The following RIT2 variants were observed in gnomAD, a reference collection of about 807,000 sequenced individuals.
RIT2 encodes the protein GTP-binding protein Rit2.
Under a neutral mutation model 23.7 loss-of-function variants are expected in RIT2, and 24 were observed. The observed-to-expected ratio is 1.01, with a 90% CI of 0.73 to 1.43. The LOEUF is 1.43. RIT2 is among the 40% of genes most tolerant of loss of function. The pLI, the probability that RIT2 is intolerant of heterozygous loss-of-function variation, is 0.00. For synonymous variants in RIT2, 107 were observed against 91.1 expected (o/e 1.17, Z -0.99); for missense variants, 236 against 266.9 (o/e 0.88, Z 0.81).
intron 2 of RIT2, among the ~76,000 whole-genome samples, chr18:43,026,425 G>C (rs1037525018): frequency 6.6e-6 from 1 of 151,680 alleles, no homozygotes; most frequent in African/African-American, 2.4e-5. Context: ...GTGGTGGTGC[G>C]TGCCTGTAGT....
chr18:42,848,812 T>C (rs750305376), intron 4 of RIT2, among the ~76,000 whole-genome samples: 3 of 152,154 alleles, frequency 2.0e-5, no homozygotes, highest in Non-Finnish European at 2.9e-5. Flanking sequence ...TTAGGAGTTA[T>C]TTATTAGAAT....
chr18:43,011,443 C>T (rs995765552), intron 2 of RIT2, among the ~76,000 whole-genome samples: 3 of 151,648 alleles, frequency 2.0e-5, no homozygotes, highest in Non-Finnish European at 2.9e-5. Flanking sequence ...GGAAGCTGTG[C>T]GATTTTGGGC....
intron 3 of RIT2, among the ~76,000 whole-genome samples, chr18:42,956,366 CT>C (rs1909970626): frequency 6.6e-6 from 1 of 152,118 alleles, no homozygotes. Context: ...TCTCTGTGTC[CT>C]CCTTTGCTGT....
chr18:42,793,301 C>T (rs780638221), intron 4 of RIT2, among the ~76,000 whole-genome samples: 3 of 152,260 alleles, frequency 2.0e-5, no homozygotes, highest in Non-Finnish European at 4.4e-5. Flanking sequence ...TACTGCCAGA[C>T]AGAAATTCTT....
chr18:42,838,467 T>C (rs776639846), intron 4 of RIT2, among the ~76,000 whole-genome samples: 58 of 152,286 alleles, frequency 3.8e-4, no homozygotes, highest in South Asian at 8.3e-4. Context: ...TAGTGTATGC[T>C]TATGCCAAGA....
intron 4 of RIT2, among the ~76,000 whole-genome samples, chr18:42,917,879 AT>A (rs1219700586): frequency 6.6e-6 from 1 of 152,010 alleles, no homozygotes; most frequent in Non-Finnish European, 1.5e-5. Flanking sequence ...TAGAGAGACC[AT>A]CTTGACCACC....
intron 1 of RIT2, among the ~76,000 whole-genome samples, chr18:43,051,770 C>A (rs1311987290): frequency 1.8e-4 from 27 of 152,066 alleles, no homozygotes; most frequent in Admixed American, 1.8e-3. Flanking sequence ...GGGATATAAG[C>A]CTTGTTGTCT....
chr18:42,771,224 A>G (rs1272432813), intron 4 of RIT2, among the ~76,000 whole-genome samples: 1 of 152,160 alleles, frequency 6.6e-6, no homozygotes, highest in East Asian at 1.9e-4. Flanking sequence ...CAGTCTAAAC[A>G]ATCAATAATT....
intron 4 of RIT2, among the ~76,000 whole-genome samples, chr18:42,864,557 G>GTCTTCA (rs1010936297): frequency 1.3e-5 from 2 of 152,152 alleles, no homozygotes; most frequent in African/African-American, 2.4e-5. Flanking sequence ...TGAAAACTCT[G>GTCTTCA]TCTTCATCAT....
chr18:43,108,096 A>C (rs1913871379), intron 1 of RIT2, among the ~76,000 whole-genome samples: 1 of 151,278 alleles, frequency 6.6e-6, no homozygotes, highest in African/African-American at 2.4e-5. Context: ...AATGGTGTGA[A>C]CCCAGGAGGC....
chr18:42,792,772 A>G (rs1176588868), intron 4 of RIT2, among the ~76,000 whole-genome samples: 1 of 152,164 alleles, frequency 6.6e-6, no homozygotes, highest in African/African-American at 2.4e-5. Context: ...TTTTTTGTGT[A>G]ACCATAAATT....
chr18:42,795,918 C>T (rs9967226), intron 4 of RIT2, among the ~76,000 whole-genome samples: 2 of 151,822 alleles, frequency 1.3e-5, no homozygotes, highest in South Asian at 4.2e-4. Flanking sequence ...CTAGTGGGGA[C>T]GTGAAAACCT....
chr18:43,105,481 G>GGAGGATGAGAGGAAGA (rs1568083793), intron 1 of RIT2, among the ~76,000 whole-genome samples: 1 of 118,298 alleles, frequency 8.5e-6, no homozygotes. Context: ...AGAGAGGAAG[G>GGAGGATGAGAGGAAGA]GAGGAAGGGA....
intron 3 of RIT2, among the ~76,000 whole-genome samples, chr18:42,954,676 A>T (rs1909931781): frequency 6.6e-6 from 1 of 151,882 alleles, no homozygotes; most frequent in South Asian, 2.1e-4. Context: ...ATTTTTTTAA[A>T]TTTTTTAAGG....
intron 4 of RIT2, among the ~76,000 whole-genome samples, chr18:42,832,114 A>G (rs971415427): frequency 3.9e-5 from 6 of 152,218 alleles, no homozygotes; most frequent in Admixed American, 1.3e-4. Context: ...ACCAGAGGAA[A>G]AATTTTACAA....
At chr18:42,797,640 C>G (rs934023323) in intron 4 of RIT2, among the ~76,000 whole-genome samples, 30 of 152,200 alleles carry the variant, frequency 2.0e-4, no homozygotes, top group Non-Finnish European at 4.1e-4. Context: ...GGACCATTTC[C>G]TGAGTCACTA....
At chr18:43,097,170 C>G (rs1913573711) in intron 1 of RIT2, among the ~76,000 whole-genome samples, 1 of 151,794 alleles carries the variant, frequency 6.6e-6, no homozygotes, top group African/African-American at 2.4e-5. Context: ...GAAAACACCC[C>G]TTAGAGTTTG....
At chr18:42,913,938 A>G (rs550948406) in intron 4 of RIT2, among the ~76,000 whole-genome samples, 32 of 152,218 alleles carry the variant, frequency 2.1e-4, no homozygotes, top group African/African-American at 7.7e-4. Context: ...ATTTTACAAA[A>G]CATCATGTTG....
At chr18:43,059,893 A>T (rs1462989770) in intron 1 of RIT2, among the ~76,000 whole-genome samples, 3 of 152,086 alleles carry the variant, frequency 2.0e-5, no homozygotes, top group Non-Finnish European at 4.4e-5. Context: ...ATTTTAAAGG[A>T]TGTCCTAGAG....
Sources: allele counts gnomAD v4.1 joint callset (sites outside exome capture counted in the v4.1 genomes callset), GRCh38; gene constraint gnomAD v4.1.1; transcripts MANE v1.5; gene names NCBI Gene and HGNC (gene_info 2026-07-23, HGNC 2026-07-21).